The following HS6ST3 variants were observed in gnomAD, a reference collection of about 807,000 sequenced individuals.
The protein encoded by HS6ST3 is heparan sulfate 6-O-sulfotransferase 3, also known as heparan-sulfate 6-O-sulfotransferase 3.
Under a neutral mutation model 36.7 loss-of-function variants are expected in HS6ST3, and 12 were observed. The ratio of observed to expected loss-of-function variants is 0.33; its 90% CI spans 0.21 to 0.53. HS6ST3 has a LOEUF of 0.53. Ranked by LOEUF, HS6ST3 falls within the 20% of genes least tolerant of loss-of-function variation. HS6ST3 has a pLI of 0.95. For synonymous variants in HS6ST3, 240 were observed against 257.5 expected (o/e 0.93, Z 0.65); for missense variants, 584 against 640.9 (o/e 0.91, Z 0.96).
intron 1 of HS6ST3, among the ~76,000 whole-genome samples, chr13:96,115,762 A>G (rs939167455): frequency 1.3e-5 from 2 of 152,234 alleles, no homozygotes; most frequent in Admixed American, 6.5e-5. Flanking sequence ...TATATACCCC[A>G]TAATGGGATT....
At chr13:96,585,533 C>A (rs1386687300) in intron 1 of HS6ST3, among the ~76,000 whole-genome samples, 1 of 152,124 alleles carries the variant, frequency 6.6e-6, no homozygotes, top group Non-Finnish European at 1.5e-5. Flanking sequence ...AGTCACCATG[C>A]TATATAGTAG....
intron 1 of HS6ST3, among the ~76,000 whole-genome samples, chr13:96,691,322 C>T (rs992516205): frequency 7.2e-5 from 11 of 152,008 alleles, no homozygotes; most frequent in African/African-American, 2.7e-4. Flanking sequence ...TTCAATATGT[C>T]CCTAGCCTCA....
intron 1 of HS6ST3, among the ~76,000 whole-genome samples, chr13:96,135,072 T>C (rs1391528410): frequency 6.6e-6 from 1 of 152,158 alleles, no homozygotes. Flanking sequence ...CTGGCATTGC[T>C]GAAGAAACTT....
At chr13:96,640,632 A>G (rs2139006390) in intron 1 of HS6ST3, among the ~76,000 whole-genome samples, 1 of 152,090 alleles carries the variant, frequency 6.6e-6, no homozygotes, top group East Asian at 1.9e-4. Flanking sequence ...TTCTTTCCCA[A>G]GGCCCATGGC....
At chr13:96,336,774 A>G (rs1031117059) in intron 1 of HS6ST3, among the ~76,000 whole-genome samples, 5 of 152,304 alleles carry the variant, frequency 3.3e-5, no homozygotes, top group Admixed American at 2.0e-4. Context: ...AAGAAAGATA[A>G]TACTTTAGCT....
intron 1 of HS6ST3, among the ~76,000 whole-genome samples, chr13:96,116,209 T>C (rs1023073644): frequency 6.6e-6 from 1 of 152,164 alleles, no homozygotes; most frequent in African/African-American, 2.4e-5. Context: ...CTCGAGTGCA[T>C]AGTCTGTTCA....
intron 1 of HS6ST3, among the ~76,000 whole-genome samples, chr13:96,100,884 C>T (rs1316445116): frequency 6.6e-6 from 1 of 152,174 alleles, no homozygotes; most frequent in Non-Finnish European, 1.5e-5. Flanking sequence ...TTTATGGATG[C>T]CCTGTTGTGT....
At chr13:96,821,322 T>G (rs567494404) in intron 1 of HS6ST3, among the ~76,000 whole-genome samples, 4 of 152,314 alleles carry the variant, frequency 2.6e-5, no homozygotes, top group African/African-American at 9.6e-5. Context: ...TCCCTCACCC[T>G]GTGATGTTCA....
chr13:96,771,367 A>G (rs1363188335), intron 1 of HS6ST3, among the ~76,000 whole-genome samples: 1 of 152,084 alleles, frequency 6.6e-6, no homozygotes, highest in Non-Finnish European at 1.5e-5. Context: ...ACATGTATAC[A>G]TATGTAACAA....
intron 1 of HS6ST3, among the ~76,000 whole-genome samples, chr13:96,538,641 G>T (rs1268592057): frequency 6.6e-6 from 1 of 151,906 alleles, no homozygotes; most frequent in African/African-American, 2.4e-5. Flanking sequence ...ATGGGGTTTT[G>T]CCATGTTGGC....
At chr13:96,121,151 C>A (rs1457469817) in intron 1 of HS6ST3, among the ~76,000 whole-genome samples, 2 of 152,166 alleles carry the variant, frequency 1.3e-5, no homozygotes, top group Non-Finnish European at 2.9e-5. Context: ...AGTGTATTTC[C>A]ATCCATCCTA....
intron 1 of HS6ST3, among the ~76,000 whole-genome samples, chr13:96,590,586 A>G (rs2056378571): frequency 6.6e-6 from 1 of 151,830 alleles, no homozygotes; most frequent in African/African-American, 2.4e-5. Flanking sequence ...TATTCTAGTT[A>G]TTAATCCATT....
intron 1 of HS6ST3, among the ~76,000 whole-genome samples, chr13:96,711,077 C>A (rs1000424440): frequency 1.3e-5 from 2 of 152,190 alleles, no homozygotes; most frequent in African/African-American, 4.8e-5. Context: ...CTGAACCTGT[C>A]TTATGTGTCA....
chr13:96,315,365 A>C (rs1159200713), intron 1 of HS6ST3, among the ~76,000 whole-genome samples: 1 of 152,208 alleles, frequency 6.6e-6, no homozygotes, highest in African/African-American at 2.4e-5. Context: ...AACAAAAATA[A>C]ATGTAACACA....
chr13:96,359,449 T>C (rs1227975422), intron 1 of HS6ST3, among the ~76,000 whole-genome samples: 1 of 152,220 alleles, frequency 6.6e-6, no homozygotes, highest in African/African-American at 2.4e-5. Context: ...AGTACACTTT[T>C]AGAAAACCTT....
intron 1 of HS6ST3, among the ~76,000 whole-genome samples, chr13:96,521,236 G>T (rs754102627): frequency 6.6e-6 from 1 of 152,138 alleles, no homozygotes; most frequent in South Asian, 2.1e-4. Flanking sequence ...TTGATGTGCT[G>T]CTGGATTTGG....
chr13:96,172,420 C>T (rs892715270), intron 1 of HS6ST3, among the ~76,000 whole-genome samples: 1 of 152,220 alleles, frequency 6.6e-6, no homozygotes. Flanking sequence ...ACCATAGTGG[C>T]TTAAAGTGTA....
At chr13:96,380,477 G>A (rs1189324425) in intron 1 of HS6ST3, among the ~76,000 whole-genome samples, 1 of 151,870 alleles carries the variant, frequency 6.6e-6, no homozygotes, top group East Asian at 1.9e-4. Context: ...TGTTAGCCAG[G>A]CTCATCTCGA....
chr13:96,469,547 G>A (rs2055830690), intron 1 of HS6ST3, among the ~76,000 whole-genome samples: 1 of 152,124 alleles, frequency 6.6e-6, no homozygotes, highest in Non-Finnish European at 1.5e-5. Context: ...AAAGAGCAAG[G>A]AAGGAGTTTC....
Sources: allele counts gnomAD v4.1 joint callset (sites outside exome capture counted in the v4.1 genomes callset), GRCh38; gene constraint gnomAD v4.1.1; transcripts MANE v1.5; gene names NCBI Gene and HGNC (gene_info 2026-07-23, HGNC 2026-07-21).